CACHD1: variants seen among roughly 807,000 people sequenced by gnomAD.
CACHD1 encodes VWFA and cache domain-containing protein 1.
A neutral mutation model predicts 138.7 loss-of-function variants in CACHD1; 71 were observed. That is an observed-to-expected ratio of 0.51 (90% CI 0.42 to 0.62). The LOEUF is 0.62. Ranked by LOEUF, CACHD1 falls within the 20% of genes least tolerant of loss-of-function variation. The probability of loss-of-function intolerance (pLI) is 0.00; values close to 1 mark genes in which losing one functional copy is unlikely to be tolerated. For synonymous variants in CACHD1, 578 were observed against 591.5 expected, an observed-to-expected ratio of 0.98 and a Z score of 0.33; for missense variants, 1,389 against 1,625.3, an observed-to-expected ratio of 0.85 and a Z score of 2.50.
rs748983848 is a variant in CACHD1 at position 64,653,712 on chromosome 1, C to G, written c.1541-46C>G. On this transcript the variant is annotated intron_variant, in intron 10 of 26. Transcript: ENST00000651257. ...TTTCAAAACAGTGATTCAGAACTTC[C>G]TACAACATGTTTCTTATTAACATGC... The G allele has an allele frequency of 1.9e-6, 3 of 1,595,734 alleles. No individual in the cohort carries two copies. The Admixed American group carries it at 5.1e-5, about 27-fold the overall frequency.
At chr1:64,510,522 C>T (rs780446904) in intron 1 of CACHD1, among the ~76,000 whole-genome samples, 1 of 152,160 alleles carries the variant, frequency 6.6e-6, no homozygotes, top group African/African-American at 2.4e-5. Flanking sequence ...TATTCACAGT[C>T]GCCTTTCAGC....
At position 64,691,089 on chromosome 1, in the gene CACHD1, G is replaced by A. The variant is rs571385172; in HGVS notation, c.3587-234G>A. ...TTTTTTTCTCCTCTGTACTTTCTCA[G>A]CTGTCTGAAGTGGTTATGTATTTAT... On this transcript the variant is annotated intron_variant, in intron 26 of 26. Coordinates refer to ENST00000651257, the MANE Select transcript of CACHD1 (RefSeq NM_020925.4). 8.6e-5 allele frequency among the ~76,000 whole-genome samples: 13 copies of A among 151,918 alleles called. No homozygotes were observed. In the East Asian group the frequency reaches 2.5e-3, roughly 29 times the overall value.
chr1:64,691,614 G>A lies in CACHD1; in HGVS notation c.*53G>A. The A allele has an allele frequency of 1.9e-6, 3 of 1,547,070 alleles. No homozygotes were observed. The highest frequency in any genetic ancestry group is 2.7e-6 in the Non-Finnish European group (3 of 1,122,024). The stretch of plus-strand genomic sequence containing the variant: ...AGATCTGGGAGCTACAGAATGTTCT[G>A]GAAAGAAAAAGAACCGGCTTAAAAC... On this transcript the variant is annotated 3_prime_UTR_variant, in exon 27 of 27. Transcript: ENST00000651257.
At chr1:64,490,142 A>C (rs540573213) in intron 1 of CACHD1, among the ~76,000 whole-genome samples, 2 of 152,254 alleles carry the variant, frequency 1.3e-5, no homozygotes, top group Non-Finnish European at 2.9e-5. Flanking sequence ...AGGAATAACT[A>C]TTTGGGGATA....
chr1:64,514,323 A>G (rs956193718), intron 1 of CACHD1, among the ~76,000 whole-genome samples: 4 of 152,190 alleles, frequency 2.6e-5, no homozygotes, highest in African/African-American at 4.8e-5. Flanking sequence ...GGAGGCCTCT[A>G]TATACAAGAA....
intron 1 of CACHD1, among the ~76,000 whole-genome samples, chr1:64,488,516 A>G (rs930076310): frequency 1.3e-5 from 2 of 152,174 alleles, no homozygotes; most frequent in East Asian, 3.8e-4. Flanking sequence ...ACATAACAGT[A>G]TGTTCCTCCA....
At chr1:64,617,092 G>T (rs1296936385) in intron 4 of CACHD1, among the ~76,000 whole-genome samples, 1 of 150,462 alleles carries the variant, frequency 6.6e-6, no homozygotes, top group Non-Finnish European at 1.5e-5. Flanking sequence ...CAGGTTAGTT[G>T]CCCCAAACCA....
intron 1 of CACHD1, among the ~76,000 whole-genome samples, chr1:64,500,757 A>G (rs1219638776): frequency 2.1e-5 from 3 of 146,324 alleles, no homozygotes; most frequent in East Asian, 2.0e-4. Flanking sequence ...AGAGAGAGAG[A>G]GAGAGAGAGT....
In CACHD1 at chr1:64,603,099, CTTTTTTTTTTT is replaced by C. The variant is rs34372401; in HGVS notation, c.517+202_517+212del. Among the ~76,000 whole-genome samples the C allele has an allele frequency of 3.2e-4, 21 of 64,942 alleles. No individual in the cohort carries two copies. The South Asian group carries it at 4.7e-3, about 14-fold the overall frequency. The allele number at this position is 64,942 out of a possible 152,430, so 42.6% of individuals were successfully genotyped here. On this transcript the variant is annotated intron_variant, in intron 4 of 26. Coordinates refer to ENST00000651257, the MANE Select transcript of CACHD1 (RefSeq NM_020925.4). The stretch of plus-strand genomic sequence containing the variant: ...GAAGAAGAAAAAATCAAGCTTACAT[CTTTTTTTTTTT>C]TTTTTTTTTTTTTTGAAACAGTCTC...
chr1:64,514,436 T>C (rs1472851805), intron 1 of CACHD1, among the ~76,000 whole-genome samples: 1 of 152,200 alleles, frequency 6.6e-6, no homozygotes, highest in African/African-American at 2.4e-5. Context: ...AGCTTGACTG[T>C]GAGTTTTCTT....
intron 2 of CACHD1, among the ~76,000 whole-genome samples, chr1:64,569,814 A>G (rs932135392): frequency 1.3e-5 from 2 of 152,312 alleles, no homozygotes; most frequent in East Asian, 3.9e-4. Flanking sequence ...TCATTTAACT[A>G]GAAGGGAATA....
chr1:64,564,777 A>C (rs141276589), intron 2 of CACHD1, among the ~76,000 whole-genome samples: 1 of 152,258 alleles, frequency 6.6e-6, no homozygotes, highest in East Asian at 1.9e-4. Flanking sequence ...ATAGAAGCAA[A>C]ACTAATTGAG....
intron 3 of CACHD1, among the ~76,000 whole-genome samples, chr1:64,590,227 CAGGAGA>C (rs1647088216): frequency 6.7e-6 from 1 of 149,498 alleles, no homozygotes; most frequent in African/African-American, 2.5e-5. Flanking sequence ...GAGGCTGAGG[CAGGAGA>C]ATGGCATGAA....
chr1:64,634,690 G>A (rs1409582471), intron 7 of CACHD1, among the ~76,000 whole-genome samples: 1 of 151,816 alleles, frequency 6.6e-6, no homozygotes, highest in African/African-American at 2.4e-5. Context: ...CAGCGTAGAG[G>A]GATTAAAAAA....
intron 24 of CACHD1, among the ~76,000 whole-genome samples, chr1:64,680,155 G>A (rs902025315): frequency 2.0e-5 from 3 of 152,182 alleles, no homozygotes; most frequent in Non-Finnish European, 1.5e-5. Context: ...CCATTATGTA[G>A]TGTGAATAAA....
chr1:64,663,563 AAAG>A, intron 13 of CACHD1, 129 bp from the exon 14 acceptor site: 2 of 1,212,824 alleles, frequency 1.6e-6, no homozygotes, highest in South Asian at 3.0e-5. Context: ...AAAAAAAAAA[AAAG>A]AAAAAAAGGA....
chr1:64,678,136 A>G, intron 22 of CACHD1, 23 bp from the exon 23 acceptor site: 2 of 1,607,328 alleles, frequency 1.2e-6, no homozygotes, highest in South Asian at 2.2e-5. Context: ...TTTATAGAAG[A>G]CTAAGTATTG....
intron 1 of CACHD1, among the ~76,000 whole-genome samples, chr1:64,532,898 T>C (rs1324491190): frequency 6.6e-6 from 1 of 152,194 alleles, no homozygotes; most frequent in Non-Finnish European, 1.5e-5. Context: ...CTAGTAGTAG[T>C]AGCAGCAGCA....
chr1:64,667,739 G>A (rs1649682069), intron 16 of CACHD1, among the ~76,000 whole-genome samples: 1 of 152,190 alleles, frequency 6.6e-6, no homozygotes. Flanking sequence ...TGTTAAAGAT[G>A]TTGTTATAGT....
Sources: gnomAD v4.1 joint callset for allele counts (sites outside exome capture counted in the v4.1 genomes callset) on GRCh38, gnomAD v4.1.1 for gene constraint, MANE v1.5 for transcripts, NCBI Gene and HGNC (gene_info 2026-07-23, HGNC 2026-07-21) for gene names.